CCBE1: variants seen among roughly 807,000 people sequenced by gnomAD.
CCBE1 encodes collagen and calcium binding EGF domains 1.
Under a neutral mutation model 50.0 loss-of-function variants are expected in CCBE1, and 37 were observed. The observed-to-expected ratio is 0.74, with a 90% CI of 0.57 to 0.97. The LOEUF is 0.97. Ranked by LOEUF, CCBE1 falls within the 50% of genes least tolerant of loss-of-function variation. CCBE1 has a pLI of 0.00. For synonymous variants in CCBE1, 234 were observed against 203.7 expected (o/e 1.15, Z -1.27); for missense variants, 538 against 523.8 (o/e 1.03, Z -0.26).
chr18:59,459,360 A>G (rs1413155201), intron 5 of CCBE1, among the ~76,000 whole-genome samples: 1 of 152,256 alleles, frequency 6.6e-6, no homozygotes, highest in African/African-American at 2.4e-5. Flanking sequence ...TAATGTCAAC[A>G]TGGAGCTACA....
At chr18:59,663,023 A>T (rs548200655) in intron 2 of CCBE1, among the ~76,000 whole-genome samples, 39 of 122,454 alleles carry the variant, frequency 3.2e-4, no homozygotes, top group Middle Eastern at 3.8e-3. Flanking sequence ...TTCATTTTTT[A>T]AAAAAAGTGA....
chr18:59,654,746 C>T (rs1401179873), intron 2 of CCBE1, among the ~76,000 whole-genome samples: 3 of 143,324 alleles, frequency 2.1e-5, no homozygotes, highest in African/African-American at 7.8e-5. Context: ...GAGCCAAGAT[C>T]GTGCCACTGC....
chr18:59,445,880 A>C (rs533612579), intron 7 of CCBE1, among the ~76,000 whole-genome samples: 65 of 152,352 alleles, frequency 4.3e-4, no homozygotes, highest in African/African-American at 1.5e-3. Flanking sequence ...TACGTATGAC[A>C]GTGGAGGCCA....
At position 59,696,610 on chromosome 18, in the gene CCBE1, G is replaced by T. The variant is rs2054807015; in HGVS notation, c.212+19C>A. On this transcript the variant is annotated intron_variant, in intron 2 of 10. Transcript: ENST00000439986. ...CCCGGTGCGCAGTGGCGAACAGCCCGCAGAGCCCCCAGGCTTACCTGTAGC... is the reference window on the plus strand; with the variant it reads ...CCCGGTGCGCAGTGGCGAACAGCCCTCAGAGCCCCCAGGCTTACCTGTAGC... 2.5e-6 allele frequency: 4 copies of T among 1,613,186 alleles called. No homozygotes were observed. Among genetic ancestry groups the T allele is most frequent in the Non-Finnish European group, 1.7e-6 (2 of 1,179,860 alleles).
intron 2 of CCBE1, among the ~76,000 whole-genome samples, chr18:59,567,739 C>T (rs577156862): frequency 8.5e-5 from 13 of 152,264 alleles, no homozygotes; most frequent in Admixed American, 2.6e-4. Flanking sequence ...TTGCCAACTA[C>T]GTGACTTTGC....
At chr18:59,587,628 G>A (rs1387543588) in intron 2 of CCBE1, among the ~76,000 whole-genome samples, 1 of 152,126 alleles carries the variant, frequency 6.6e-6, no homozygotes, top group Non-Finnish European at 1.5e-5. Flanking sequence ...TGTCTTCCAA[G>A]AAGCGACTCA....
chr18:59,478,713 A>C (rs1030294332), intron 3 of CCBE1, among the ~76,000 whole-genome samples: 3 of 152,222 alleles, frequency 2.0e-5, no homozygotes, highest in African/African-American at 7.2e-5. Context: ...TCTTTAGATA[A>C]GATCTTAAAC....
At chr18:59,658,192 G>T (rs1183033021) in intron 2 of CCBE1, among the ~76,000 whole-genome samples, 1 of 149,012 alleles carries the variant, frequency 6.7e-6, no homozygotes, top group Non-Finnish European at 1.5e-5. Context: ...CCATTCAATG[G>T]TACCTGGCAC....
intron 2 of CCBE1, among the ~76,000 whole-genome samples, chr18:59,683,665 T>A (rs570110310): frequency 6.6e-6 from 1 of 151,736 alleles, no homozygotes; most frequent in African/African-American, 2.4e-5. Flanking sequence ...ATCACTGTAC[T>A]CCAGCCTGGG....
chr18:59,448,011 A>T lies in CCBE1; in HGVS notation c.747T>A (p.Pro249=), dbSNP rs1910761299. The part of the protein sequence containing the change: ...LASNTYLPGP[P]GLPGGQGPPG... ...GAGGGCCCTGGCCCCCAGGCAGGCC[A>T]GGAGGTCCTGGAAGGTAGGTGTTTG... The change falls in exon 7 of 11, where the codon CCT becomes CCA. Residue 249 remains proline, a synonymous_variant. Coordinates refer to ENST00000439986, the MANE Select transcript of CCBE1 (RefSeq NM_133459.4). 1 of 1,614,078 alleles carries T rather than the reference A, an allele frequency of 6.2e-7. No individual in the cohort carries two copies. Among genetic ancestry groups the T allele is most frequent in the African/African-American group, 1.3e-5 (1 of 74,938 alleles).
intron 2 of CCBE1, among the ~76,000 whole-genome samples, chr18:59,483,651 T>C (rs1199921104): frequency 6.6e-6 from 1 of 152,180 alleles, no homozygotes; most frequent in Non-Finnish European, 1.5e-5. Flanking sequence ...GTTCATACAA[T>C]TGTTAAAAGT....
At chr18:59,618,274 C>A (rs967192421) in intron 2 of CCBE1, among the ~76,000 whole-genome samples, 1 of 151,834 alleles carries the variant, frequency 6.6e-6, no homozygotes, top group African/African-American at 2.4e-5. Flanking sequence ...CATCAGGAGA[C>A]CCACTGCTAT....
At chr18:59,677,698 TA>T (rs368737063) in intron 2 of CCBE1, among the ~76,000 whole-genome samples, 41,082 of 147,992 alleles carry the variant, frequency 0.28, 6,212 homozygotes, top group Non-Finnish European at 0.35. Context: ...ATTATCTCTT[TA>T]AAAAAAAAAA....
At chr18:59,508,710 GCTTT>G (rs1238104345) in intron 2 of CCBE1, among the ~76,000 whole-genome samples, 2 of 99,408 alleles carry the variant, frequency 2.0e-5, no homozygotes, top group African/African-American at 8.9e-5. Flanking sequence ...ATAGAGTTAC[GCTTT>G]TTTTTTTTTT....
intron 2 of CCBE1, among the ~76,000 whole-genome samples, chr18:59,647,034 T>C (rs2144658402): frequency 6.6e-6 from 1 of 152,342 alleles, no homozygotes; most frequent in South Asian, 2.1e-4. Context: ...CCAGAAGGAA[T>C]CTGCTGAGTT....
At chr18:59,693,327 G>A (rs2054761514) in intron 2 of CCBE1, among the ~76,000 whole-genome samples, 1 of 152,048 alleles carries the variant, frequency 6.6e-6, no homozygotes, top group African/African-American at 2.4e-5. Context: ...TTAAAACTTT[G>A]TTTCATTTGT....
At chr18:59,494,160 G>A (rs894387651) in intron 2 of CCBE1, among the ~76,000 whole-genome samples, 1 of 152,188 alleles carries the variant, frequency 6.6e-6, no homozygotes, top group African/African-American at 2.4e-5. Context: ...TGTCCTCTCA[G>A]TACAGAGGAT....
At chr18:59,630,029 C>A (rs938714889) in intron 2 of CCBE1, among the ~76,000 whole-genome samples, 1 of 152,174 alleles carries the variant, frequency 6.6e-6, no homozygotes, top group Non-Finnish European at 1.5e-5. Context: ...TTTTGCAATA[C>A]CACTGACAGA....
At chr18:59,485,614 AT>A (rs1417979951) in intron 2 of CCBE1, among the ~76,000 whole-genome samples, 1 of 150,188 alleles carries the variant, frequency 6.7e-6, no homozygotes, top group Non-Finnish European at 1.5e-5. Context: ...TTATTTATTT[AT>A]TTATTTATTT....
Sources: gnomAD v4.1 joint callset for allele counts (sites outside exome capture counted in the v4.1 genomes callset) on GRCh38, gnomAD v4.1.1 for gene constraint, MANE v1.5 for transcripts, NCBI Gene and HGNC (gene_info 2026-07-23, HGNC 2026-07-21) for gene names.